Variants in CACNA2D1 observed in about 807,000 individuals in gnomAD.
The protein encoded by CACNA2D1 is voltage-dependent calcium channel subunit alpha-2/delta-1.
In CACNA2D1, 53 loss-of-function variants were observed where a neutral mutation model predicts 171.5. That is an observed-to-expected ratio of 0.31 (90% CI 0.25 to 0.39). The LOEUF is 0.39. Among genes scored for constraint, CACNA2D1 ranks in the 10% least tolerant of loss-of-function variants. CACNA2D1 has a pLI of 1.00. For missense variants in CACNA2D1, 903 were observed against 1,299.8 expected, an observed-to-expected ratio of 0.69 and a Z score of 4.69; for synonymous variants, 442 against 443.1, an observed-to-expected ratio of 1.00 and a Z score of 0.03.
At chr7:82,111,659 G>A (rs1247192797) in intron 6 of CACNA2D1, among the ~76,000 whole-genome samples, 1 of 151,384 alleles carries the variant, frequency 6.6e-6, no homozygotes, top group Non-Finnish European at 1.5e-5. Context: ...ATGTTGCCCA[G>A]GCCAGTCCCT....
intron 3 of CACNA2D1, among the ~76,000 whole-genome samples, chr7:82,196,175 C>T (rs771936385): frequency 5.3e-5 from 8 of 152,014 alleles, no homozygotes; most frequent in Non-Finnish European, 1.0e-4. Flanking sequence ...AAGGTTAGAA[C>T]TAGATTTTGG....
chr7:82,019,751 C>CA (rs1209382590), intron 12 of CACNA2D1, among the ~76,000 whole-genome samples: 1 of 152,072 alleles, frequency 6.6e-6, no homozygotes, highest in Non-Finnish European at 1.5e-5. Flanking sequence ...ATCAGTTACC[C>CA]AGAGTTCAAC....
intron 3 of CACNA2D1, among the ~76,000 whole-genome samples, chr7:82,279,695 A>G (rs1332629077): frequency 6.6e-6 from 1 of 152,202 alleles, no homozygotes; most frequent in South Asian, 2.1e-4. Context: ...GGGTTCCCAT[A>G]ACCTACTGCT....
chr7:82,058,247 C>T (rs1292215907), intron 10 of CACNA2D1, among the ~76,000 whole-genome samples: 1 of 152,110 alleles, frequency 6.6e-6, no homozygotes, highest in Non-Finnish European at 1.5e-5. Context: ...AGTAGTGTTT[C>T]CTGTGATCAC....
intron 3 of CACNA2D1, among the ~76,000 whole-genome samples, chr7:82,267,930 C>G (rs38567): frequency 0.73 from 111,160 of 151,988 alleles, 41,635 homozygotes; most frequent in African/African-American, 0.89. Flanking sequence ...CCAGGAGGCA[C>G]AGCTTGCAGT....
chr7:82,180,280 C>G (rs992629085), intron 3 of CACNA2D1, among the ~76,000 whole-genome samples: 1 of 152,164 alleles, frequency 6.6e-6, no homozygotes, highest in Non-Finnish European at 1.5e-5. Flanking sequence ...ACTGGGGTTT[C>G]CCAAACTCAG....
intron 3 of CACNA2D1, among the ~76,000 whole-genome samples, chr7:82,242,771 C>T (rs991463883): frequency 7.3e-5 from 11 of 151,128 alleles, no homozygotes; most frequent in South Asian, 6.3e-4. Flanking sequence ...CTATTACACA[C>T]GTCTACACAT....
intron 3 of CACNA2D1, among the ~76,000 whole-genome samples, chr7:82,286,632 T>C (rs1389087230): frequency 2.0e-5 from 3 of 152,210 alleles, no homozygotes; most frequent in African/African-American, 4.8e-5. Context: ...AGGCAGACAC[T>C]GATTATTGAC....
At chr7:82,104,518 GTTTA>G (rs1554406357) in intron 6 of CACNA2D1, among the ~76,000 whole-genome samples, 1 of 151,932 alleles carries the variant, frequency 6.6e-6, no homozygotes, top group Non-Finnish European at 1.5e-5. Flanking sequence ...CTTAAGGACT[GTTTA>G]TTCAAATGTT....
intron 3 of CACNA2D1, among the ~76,000 whole-genome samples, chr7:82,229,201 C>T (rs1478236333): frequency 6.6e-6 from 1 of 152,204 alleles, no homozygotes; most frequent in East Asian, 1.9e-4. Context: ...CAGTGTAACT[C>T]CTTTTGGAGA....
chr7:82,277,906 G>A (rs139554770), intron 3 of CACNA2D1, among the ~76,000 whole-genome samples: 4,658 of 151,310 alleles, frequency 0.031, 107 homozygotes, highest in Middle Eastern at 0.048. Flanking sequence ...CCACCACACC[G>A]GGCTAATTTT....
intron 3 of CACNA2D1, among the ~76,000 whole-genome samples, chr7:82,302,674 C>T (rs1813179175): frequency 6.6e-6 from 1 of 152,166 alleles, no homozygotes; most frequent in African/African-American, 2.4e-5. Context: ...GCCTCAGCTT[C>T]CCTAAGCGCT....
At chr7:82,219,193 A>G (rs1801489810) in intron 3 of CACNA2D1, among the ~76,000 whole-genome samples, 1 of 152,158 alleles carries the variant, frequency 6.6e-6, no homozygotes. Flanking sequence ...TGAGACCTAT[A>G]CAATCTGAAT....
At chr7:81,967,785 G>GT in intron 29 of CACNA2D1, 122 bp from the exon 30 acceptor site, 1 of 599,190 alleles carries the variant, frequency 1.7e-6, no homozygotes, top group Non-Finnish European at 3.1e-6. Flanking sequence ...TTAGTTTTGT[G>GT]TTCATTAAGA....
At chr7:82,324,032 T>G (rs17156125) in intron 3 of CACNA2D1, among the ~76,000 whole-genome samples, 1 of 152,114 alleles carries the variant, frequency 6.6e-6, no homozygotes, top group Non-Finnish European at 1.5e-5. Flanking sequence ...GGGAGGAAAA[T>G]GCACTCTCTA....
At chr7:82,322,610 C>A (rs984251276) in intron 3 of CACNA2D1, among the ~76,000 whole-genome samples, 3 of 151,962 alleles carry the variant, frequency 2.0e-5, no homozygotes, top group Non-Finnish European at 2.9e-5. Flanking sequence ...CAGAATGATA[C>A]CCTGTCTCAA....
chr7:82,271,442 T>A (rs1231380085), intron 3 of CACNA2D1, among the ~76,000 whole-genome samples: 1 of 152,160 alleles, frequency 6.6e-6, no homozygotes. Flanking sequence ...AGAACATTTT[T>A]AATTATAATT....
intron 4 of CACNA2D1, among the ~76,000 whole-genome samples, chr7:82,164,069 C>G (rs778050551): frequency 1.3e-5 from 2 of 151,828 alleles, no homozygotes; most frequent in Non-Finnish European, 2.9e-5. Flanking sequence ...TGCACAACTC[C>G]AAGACTGAGG....
intron 1 of CACNA2D1, among the ~76,000 whole-genome samples, chr7:82,398,333 A>G (rs1255988928): frequency 2.6e-5 from 4 of 152,222 alleles, no homozygotes; most frequent in African/African-American, 4.8e-5. Context: ...GAAGACAAAC[A>G]TCATTCCATT....
Sources: gnomAD v4.1 joint callset for allele counts (sites outside exome capture counted in the v4.1 genomes callset) on GRCh38, gnomAD v4.1.1 for gene constraint, MANE v1.5 for transcripts, NCBI Gene and HGNC (gene_info 2026-07-23, HGNC 2026-07-21) for gene names.